NPHS1: variants seen among roughly 807,000 people sequenced by gnomAD.
NPHS1 encodes NPHS1 adhesion molecule, nephrin.
NPHS1 carries 107 observed loss-of-function variants against 139.7 expected under a neutral mutation model. The ratio of observed to expected loss-of-function variants is 0.77; its 90% confidence interval spans 0.66 to 0.90. The LOEUF (loss-of-function observed/expected upper bound fraction) is 0.90. Ranked by LOEUF, NPHS1 falls within the 40% of genes least tolerant of loss-of-function variation. NPHS1 has a pLI of 0.00. For missense variants in NPHS1, 1,580 were observed against 1,654.2 expected, an observed-to-expected ratio of 0.96 and a Z score of 0.78; for synonymous variants, 707 against 706.6, an observed-to-expected ratio of 1.00 and a Z score of -0.01.
intron 17 of NPHS1, among the ~76,000 whole-genome samples, chr19:35,843,055 T>C (rs1973084016): frequency 6.6e-6 from 1 of 152,118 alleles, no homozygotes; most frequent in Non-Finnish European, 1.5e-5. Flanking sequence ...ATTCATCAAT[T>C]CATCCATCAT....
At chr19:35,836,048 C>T (rs1222134465) in intron 22 of NPHS1, among the ~76,000 whole-genome samples, 2 of 146,722 alleles carry the variant, frequency 1.4e-5, no homozygotes, top group Non-Finnish European at 3.0e-5. Flanking sequence ...AAACCTCTGC[C>T]TCCCGGGTTC....
intron 20 of NPHS1, among the ~76,000 whole-genome samples, chr19:35,840,411 T>C (rs1004464219): frequency 4.0e-5 from 6 of 151,160 alleles, no homozygotes; most frequent in African/African-American, 1.5e-4. Flanking sequence ...CTTGACTCAT[T>C]GCAAGCTCTG....
At position 35,848,040 on chromosome 19, in the gene NPHS1, C is replaced by T; in HGVS notation, c.1440+1G>A. The T allele has an allele frequency of 4.3e-6, 7 of 1,613,824 alleles. No individual in the cohort carries two copies. The highest frequency in any genetic ancestry group is 5.9e-6 in the Non-Finnish European group (7 of 1,180,020). On this transcript the variant is annotated splice_donor_variant, in intron 11 of 28. Coordinates refer to ENST00000378910, the MANE Select transcript of NPHS1 (RefSeq NM_004646.4). LOFTEE classifies it high-confidence loss of function. Reference sequence around the variant, plus strand: ...CCCCATAGCCCTGGCGTGGCACCAACCTTGTACCACATGAGGGAGGGCTCT... The same window carrying T: ...CCCCATAGCCCTGGCGTGGCACCAATCTTGTACCACATGAGGGAGGGCTCT...
Position 35,826,422 on chromosome 19 carries a change from G to C in NPHS1, c.*92C>G. 6.7e-7 allele frequency: 1 copy of C among 1,499,058 alleles called. No homozygotes were observed. The allele number at this position is 1,499,058 out of a possible 1,614,324, so 92.9% of individuals were successfully genotyped here. A position where few individuals can be genotyped will look rare whatever the true frequency, so the allele number is the denominator to read the frequency against. On this transcript the variant is annotated 3_prime_UTR_variant, in exon 29 of 29. Coordinates refer to ENST00000378910, the MANE Select transcript of NPHS1 (RefSeq NM_004646.4). ...ACCAAGTCCCTTTGGGTTTTATGGA[G>C]CTCACCTAACCAGCTCGGCCCAGGC...
chr19:35,835,199 C>CAAA (rs71167570), intron 23 of NPHS1, among the ~76,000 whole-genome samples: 216 of 70,814 alleles, frequency 3.1e-3, no homozygotes, highest in African/African-American at 4.4e-3. Flanking sequence ...GACTCTGTCT[C>CAAA]AAAAAAAAAA....
intron 23 of NPHS1, among the ~76,000 whole-genome samples, chr19:35,833,045 C>G (rs1018068192): frequency 8.7e-6 from 1 of 115,548 alleles, no homozygotes; most frequent in Non-Finnish European, 1.8e-5. Context: ...CCACCACACC[C>G]GGCTAATTTT....
chr19:35,842,811 C>T (rs1338389092), intron 17 of NPHS1, among the ~76,000 whole-genome samples: 1 of 152,048 alleles, frequency 6.6e-6, no homozygotes, highest in East Asian at 1.9e-4. Flanking sequence ...TTCATTTATC[C>T]ATCTGCTTAT....
In NPHS1 at chr19:35,848,329, C is replaced by T. The variant is rs1568455667; in HGVS notation, c.1239G>A (p.Leu413=). 3 of 1,614,122 alleles carry T rather than the reference C, an allele frequency of 1.9e-6. No homozygotes were observed. Among genetic ancestry groups the T allele is most frequent in the Middle Eastern group, 1.6e-4 (1 of 6,062 alleles). Residue 413 remains leucine (L), a synonymous_variant, in exon 10 of 29, where the codon CTG becomes CTA. Transcript: ENST00000378910. Reference sequence around the variant, plus strand: ...CACTGAAGGCCTCACATGTGAGGGTCAGACCGTTGTCCTCCCGCCGCGCCA... The same window carrying T: ...CACTGAAGGCCTCACATGTGAGGGTTAGACCGTTGTCCTCCCGCCGCGCCA... The part of the protein sequence containing the change: ...TFLARREDNG[L]TLTCEAFSEA...
chr19:35,839,975 G>A (rs983806415), intron 20 of NPHS1, among the ~76,000 whole-genome samples: 1 of 151,032 alleles, frequency 6.6e-6, no homozygotes, highest in Non-Finnish European at 1.5e-5. Context: ...TACTTCTATG[G>A]AAAATGAAGG....
chr19:35,839,761 T>C (rs1973027476), intron 20 of NPHS1, among the ~76,000 whole-genome samples, 154 bp from the exon 21 acceptor site: 1 of 152,192 alleles, frequency 6.6e-6, no homozygotes, highest in South Asian at 2.1e-4. Context: ...AACACTGCTC[T>C]GGCAAACACC....
rs386833901 is a variant in NPHS1, at chr19:35,844,317, A to G, written c.2071+2T>C. On this transcript the variant is annotated splice_donor_variant, in intron 15 of 28. Coordinates refer to ENST00000378910, the MANE Select transcript of NPHS1 (RefSeq NM_004646.4). LOFTEE classifies it high-confidence loss of function. ...ACCCCTCCCCATGACCACTTCCCTC[A>G]CCTGGACTGAGGCGATAGCCGCGGA... 5.6e-6 allele frequency: 9 copies of G among 1,613,844 alleles called. No homozygotes were observed. The highest frequency in any genetic ancestry group is 6.8e-6 in the Non-Finnish European group (8 of 1,179,926).
intron 3 of NPHS1, 30 bp downstream of exon 3, chr19:35,851,232 T>G (rs1297577803): frequency 1.1e-5 from 18 of 1,613,616 alleles, no homozygotes; most frequent in Non-Finnish European, 1.5e-5. Context: ...AAGCCCAGAC[T>G]CATGGGTCCT....
rs1973193814 is a variant in NPHS1, at chr19:35,849,325, C to T, written c.751G>A (p.Asp251Asn). The T allele has an allele frequency of 6.2e-7, 1 of 1,612,880 alleles. No homozygotes were observed. The highest frequency in any genetic ancestry group is 8.5e-7 in the Non-Finnish European group (1 of 1,179,960). ...GPPVIEWPGL[D>N]EGHVRAGQSL... is the part of the protein sequence containing the mutation. Reference sequence around the variant, plus strand: ...TGTCCTGCCCGCACGTGCCCCTCATCCAGGCCTGGCCACTCGATGACAGGG... The same window carrying T: ...TGTCCTGCCCGCACGTGCCCCTCATTCAGGCCTGGCCACTCGATGACAGGG... The change falls in exon 7 of 29, where the codon GAT becomes AAT. Residue 251 changes from aspartate (D) to asparagine (N), a missense_variant. Asp to Asn is a conservative substitution (Grantham distance 23). Transcript: ENST00000378910.
At chr19:35,850,523 C>A (rs1271034955) in intron 4 of NPHS1, 78 bp from the exon 5 acceptor site, 2 of 1,277,238 alleles carry the variant, frequency 1.6e-6, no homozygotes, top group Non-Finnish European at 2.3e-6. Context: ...TGGAAGTCCT[C>A]AGGGTGGGTG....
Position 35,831,124 on chromosome 19 carries a change from G to A in NPHS1, c.3410C>T (p.Pro1137Leu), listed in dbSNP as rs574866409. 6.8e-6 allele frequency: 11 copies of A among 1,613,864 alleles called. No individual in the cohort carries two copies. The highest frequency in any genetic ancestry group is 5.5e-5 in the South Asian group (5 of 91,080). Residue 1137 changes from proline to leucine, a missense_variant, in exon 27 of 29, where the codon CCG becomes CTG. Transcript: ENST00000378910. ...SSTVSTTEAE[P>L]YYRSLRDFSP... Reference sequence around the variant, plus strand: ...GAAGTCCCTCAGGGAGCGGTAATACGGCTCTGCCTCTGTTGTGCTGACCTG... The same window carrying A: ...GAAGTCCCTCAGGGAGCGGTAATACAGCTCTGCCTCTGTTGTGCTGACCTG...
rs759080029 is a variant in NPHS1, at chr19:35,849,239, C to T, written c.837G>A (p.Leu279=). Reference sequence around the variant, plus strand: ...CCATGCCCGCGTTTGCCCTCACCTTCAGCCACTGCAGTGTGGCTAAGGGAT... The same window carrying T: ...CCATGCCCGCGTTTGCCCTCACCTTTAGCCACTGCAGTGTGGCTAAGGGAT... ...GGNPLATLQW[L]KNGQPVSTAW... Residue 279 remains leucine (L), a synonymous_variant, in exon 7 of 29, where the codon CTG becomes CTA. Coordinates refer to ENST00000378910, the MANE Select transcript of NPHS1 (RefSeq NM_004646.4). 1.2e-6 allele frequency: 2 copies of T among 1,613,906 alleles called. No homozygotes were observed. The highest frequency in any genetic ancestry group is 2.2e-5 in the South Asian group (2 of 91,076).
intron 22 of NPHS1, among the ~76,000 whole-genome samples, chr19:35,838,856 A>T (rs189624259): frequency 9.0e-4 from 136 of 151,930 alleles, no homozygotes; most frequent in African/African-American, 1.9e-3. Flanking sequence ...TCAAAAAAAT[A>T]AAAAAAAATT....
chr19:35,845,985 G>A lies in NPHS1; in HGVS notation c.1627+23C>T, dbSNP rs544195869. The A allele has an allele frequency of 1.4e-5, 22 of 1,557,384 alleles. No individual in the cohort carries two copies. The South Asian group carries it at 1.7e-4, about 12-fold the overall frequency. On this transcript the variant is annotated intron_variant, in intron 12 of 28. Coordinates refer to ENST00000378910, the MANE Select transcript of NPHS1 (RefSeq NM_004646.4). This position sits in a 1 kb window ranked among gnomAD's most constrained non-coding sequence, Gnocchi z 5.5. ...TCTGTCCCTCCCGCCCCGCCCCCGG[G>A]CCTCAGCAGTGCGAGCCCTCACACT... is the stretch of plus-strand genomic sequence containing the variant.
rs1187802299 is a variant in NPHS1 at position 35,850,955 on chromosome 19, ACT to A, written c.526+4_526+5del. ...GCCCCCTGCCACCCAGTTCACCCAC[ACT>A]CACTCAGGAGAATGGTGATGTCAGG... On this transcript the variant is annotated splice_donor_5th_base_variant and intron_variant, in intron 4 of 28. Coordinates refer to ENST00000378910, the MANE Select transcript of NPHS1 (RefSeq NM_004646.4). 1.2e-6 allele frequency: 2 copies of A among 1,613,636 alleles called. No individual in the cohort carries two copies.
Sources: allele counts gnomAD v4.1 joint callset (sites outside exome capture counted in the v4.1 genomes callset), GRCh38; gene constraint gnomAD v4.1.1; non-coding constraint Gnocchi (gnomAD v3.1); transcripts MANE v1.5; gene names NCBI Gene and HGNC (gene_info 2026-07-23, HGNC 2026-07-21).